FTO: variants seen among roughly 807,000 people sequenced by gnomAD.
FTO encodes the protein FTO alpha-ketoglutarate dependent dioxygenase.
Under a neutral mutation model 63.9 loss-of-function variants are expected in FTO, and 47 were observed. The ratio of observed to expected loss-of-function variants is 0.74; its 90% confidence interval spans 0.58 to 0.94. FTO has a LOEUF of 0.94. FTO is among the 40% of genes least tolerant of loss of function. The pLI is 0.00. For synonymous variants in FTO, 207 were observed against 224.4 expected (o/e 0.92, Z 0.69); for missense variants, 562 against 618.1 (o/e 0.91, Z 0.96).
intron 1 of FTO, among the ~76,000 whole-genome samples, chr16:53,792,084 A>G (rs1350422257): frequency 6.6e-6 from 1 of 151,912 alleles, no homozygotes; most frequent in Non-Finnish European, 1.5e-5. Context: ...TCAAAAAAAA[A>G]AAAAAAAAAT....
chr16:53,869,242 C>T (rs1379132611), intron 4 of FTO, among the ~76,000 whole-genome samples: 1 of 152,064 alleles, frequency 6.6e-6, no homozygotes, highest in Non-Finnish European at 1.5e-5. Context: ...GTATTGCTTG[C>T]CTCGTTTCTG....
At position 53,856,879 on chromosome 16, in the gene FTO, G is replaced by T. The variant is rs139672112; in HGVS notation, c.895+12581G>T. Among the ~76,000 whole-genome samples, 517 of 152,214 alleles carry T rather than the reference G, an allele frequency of 3.4e-3. 1 individual carries two copies. The highest frequency in any genetic ancestry group is 6.5e-3 in the Non-Finnish European group (442 of 68,034). On this transcript the variant is annotated intron_variant, in intron 4 of 8. Coordinates refer to ENST00000471389, the MANE Select transcript of FTO (RefSeq NM_001080432.3). ...TGGTTTTGTAGTCTGTCCTACAGTT[G>T]GTTGGGGTAACAACCTCTTTTCTTA... is the stretch of plus-strand genomic sequence containing the variant.
chr16:53,868,504 A>G (rs1293022153), intron 4 of FTO, among the ~76,000 whole-genome samples: 2 of 152,134 alleles, frequency 1.3e-5, no homozygotes, highest in African/African-American at 2.4e-5. Flanking sequence ...CATCTCTTAT[A>G]CTCATTGCTA....
intron 1 of FTO, among the ~76,000 whole-genome samples, chr16:53,774,789 G>T (rs1230152393): frequency 1.3e-5 from 2 of 152,084 alleles, no homozygotes; most frequent in Non-Finnish European, 1.5e-5. Flanking sequence ...CTCGGGAAGG[G>T]CTAAGAATCA....
At chr16:54,024,869 A>G (rs2084680325) in intron 8 of FTO, among the ~76,000 whole-genome samples, 1 of 152,212 alleles carries the variant, frequency 6.6e-6, no homozygotes, top group African/African-American at 2.4e-5. Flanking sequence ...TGCAGTTTTT[A>G]GAGTAAATGT....
intron 1 of FTO, among the ~76,000 whole-genome samples, chr16:53,780,436 A>G (rs2077559730): frequency 6.6e-6 from 1 of 151,918 alleles, no homozygotes; most frequent in Non-Finnish European, 1.5e-5. Flanking sequence ...ACTAGATTTT[A>G]CTTTCTTTCT....
At chr16:53,733,070 G>A (rs2076309994) in intron 1 of FTO, among the ~76,000 whole-genome samples, 1 of 152,180 alleles carries the variant, frequency 6.6e-6, no homozygotes, top group South Asian at 2.1e-4. Flanking sequence ...TTTGTTTAGA[G>A]CCAAGATCTC....
intron 1 of FTO, among the ~76,000 whole-genome samples, chr16:53,713,006 C>T (rs1372855356): frequency 6.6e-6 from 1 of 151,506 alleles, no homozygotes; most frequent in East Asian, 1.9e-4. Flanking sequence ...AAGATTTTGC[C>T]AGACACATGG....
At chr16:53,936,461 T>C (rs1212590654) in intron 8 of FTO, among the ~76,000 whole-genome samples, 2 of 152,226 alleles carry the variant, frequency 1.3e-5, no homozygotes, top group East Asian at 1.9e-4. Context: ...ACGGTTACCA[T>C]ACACCTTTCT....
intron 8 of FTO, among the ~76,000 whole-genome samples, chr16:53,946,794 T>C (rs1473629774): frequency 6.6e-6 from 1 of 152,186 alleles, no homozygotes; most frequent in Admixed American, 6.5e-5. Context: ...AGCTCTGGCC[T>C]CTTTCCTACC....
intron 8 of FTO, among the ~76,000 whole-genome samples, chr16:53,955,127 T>A (rs1312978718): frequency 6.6e-6 from 1 of 152,198 alleles, no homozygotes; most frequent in African/African-American, 2.4e-5. Flanking sequence ...GAGTCTAGCA[T>A]TGACCATATG....
At chr16:53,935,171 G>A (rs1426693313) in intron 8 of FTO, among the ~76,000 whole-genome samples, 1 of 152,166 alleles carries the variant, frequency 6.6e-6, no homozygotes, top group Non-Finnish European at 1.5e-5. Flanking sequence ...AGAGGAATCA[G>A]GAAGCGTATG....
At chr16:53,779,164 T>C (rs2077529802) in intron 1 of FTO, among the ~76,000 whole-genome samples, 1 of 152,164 alleles carries the variant, frequency 6.6e-6, no homozygotes. Flanking sequence ...AATAACATCA[T>C]CCCTTTGCTG....
intron 8 of FTO, among the ~76,000 whole-genome samples, chr16:54,020,365 T>C (rs542385491): frequency 1.9e-4 from 29 of 152,308 alleles, no homozygotes; most frequent in African/African-American, 6.7e-4. Context: ...CTATACACCA[T>C]GAAGACATTG....
intron 8 of FTO, among the ~76,000 whole-genome samples, chr16:53,984,467 GC>G (rs1232314739): frequency 9.3e-5 from 14 of 150,786 alleles, no homozygotes; most frequent in Admixed American, 8.6e-4. Flanking sequence ...GGTCTACAGC[GC>G]CCACCACGAT....
At chr16:53,961,602 G>A (rs2083082626) in intron 8 of FTO, among the ~76,000 whole-genome samples, 1 of 152,236 alleles carries the variant, frequency 6.6e-6, no homozygotes, top group Admixed American at 6.5e-5. Flanking sequence ...GACAGATGTA[G>A]CTAGCCAGAT....
chr16:53,883,622 C>CA (rs36010057), intron 6 of FTO, among the ~76,000 whole-genome samples: 21,618 of 58,074 alleles, frequency 0.37, 4,537 homozygotes, highest in East Asian at 0.69. Context: ...AACTCTATCT[C>CA]AAAAAAAAAA....
chr16:53,968,716 TA>T (rs2083250092), intron 8 of FTO, among the ~76,000 whole-genome samples: 3 of 152,200 alleles, frequency 2.0e-5, no homozygotes, highest in Non-Finnish European at 2.9e-5. Context: ...ATGAGAACCA[TA>T]AAAGGAGAGA....
chr16:53,812,379 C>T (rs2078557522), intron 2 of FTO, among the ~76,000 whole-genome samples: 1 of 151,670 alleles, frequency 6.6e-6, no homozygotes, highest in Non-Finnish European at 1.5e-5. Flanking sequence ...CAAGCAAGTG[C>T]ATCTGGCTAA....
Sources: allele counts gnomAD v4.1 joint callset (sites outside exome capture counted in the v4.1 genomes callset), GRCh38; gene constraint gnomAD v4.1.1; transcripts MANE v1.5; gene names NCBI Gene and HGNC (gene_info 2026-07-23, HGNC 2026-07-21).